RGS6: variants seen among roughly 807,000 people sequenced by gnomAD.
RGS6 encodes regulator of G-protein signaling 6.
Under a neutral mutation model 78.5 loss-of-function variants are expected in RGS6, and 30 were observed. The observed-to-expected ratio is 0.38, with a 90% CI of 0.29 to 0.52. The LOEUF (loss-of-function observed/expected upper bound fraction) is 0.52, where lower values mean the gene tolerates loss of function less well. Among genes scored for constraint, RGS6 ranks in the 20% least tolerant of loss-of-function variants. The pLI is 0.85. For synonymous variants in RGS6, 206 were observed against 206.0 expected (o/e 1.00, Z 0.00); for missense variants, 495 against 609.7 (o/e 0.81, Z 1.98).
chr14:72,125,663 G>A, intron 2 of RGS6, among the ~76,000 whole-genome samples: 1 of 152,084 alleles, frequency 6.6e-6, no homozygotes, highest in Non-Finnish European at 1.5e-5. Context: ...TGGAGGTGGG[G>A]GAAAGGTGAT....
intron 2 of RGS6, among the ~76,000 whole-genome samples, chr14:72,222,002 ACTC>A (rs1405500846): frequency 6.6e-6 from 1 of 151,894 alleles, no homozygotes; most frequent in African/African-American, 2.4e-5. Context: ...AAAATTTACT[ACTC>A]TTATTCCACT....
chr14:72,596,663 A>T, the RGS6 span, among the ~76,000 whole-genome samples: 5 of 152,358 alleles, frequency 3.3e-5, 1 homozygote, highest in South Asian at 1.0e-3. Flanking sequence ...TAATTCTTAG[A>T]GGGTTTCAGG....
chr14:72,562,889 G>C lies in RGS6; in HGVS notation c.*422G>C. ...AATTCAAGAGGCATGAGTGGACCGA[G>C]AGCACATCCAGCATTTGCATCACCT... On this transcript the variant is annotated 3_prime_UTR_variant, in exon 18 of 18. Coordinates refer to ENST00000553525, the MANE Select transcript of RGS6 (RefSeq NM_001204424.2). 1.3e-6 allele frequency: 1 copy of C among 791,016 alleles called. No individual in the cohort carries two copies. The highest frequency in any genetic ancestry group is 2.1e-6 in the Non-Finnish European group (1 of 474,722). The allele number at this position is 791,016 out of a possible 1,614,324, so 49.0% of individuals were successfully genotyped here.
At chr14:72,205,763 A>G (rs979416505) in intron 2 of RGS6, among the ~76,000 whole-genome samples, 2 of 152,246 alleles carry the variant, frequency 1.3e-5, no homozygotes, top group African/African-American at 4.8e-5. Flanking sequence ...GAAAAAAACA[A>G]AAATTATTAC....
At chr14:71,948,740 CTTTTTTTTTT>C (rs71305831) in intron 1 of RGS6, among the ~76,000 whole-genome samples, 6 of 65,170 alleles carry the variant, frequency 9.2e-5, no homozygotes, top group South Asian at 1.8e-3. Context: ...CTCTCTCTCT[CTTTTTTTTTT>C]TTTTTTTTTT....
intron 2 of RGS6, among the ~76,000 whole-genome samples, chr14:72,031,591 G>A (rs1348935090): frequency 6.6e-6 from 1 of 152,196 alleles, no homozygotes; most frequent in Non-Finnish European, 1.5e-5. Flanking sequence ...ACTCCATGCT[G>A]ACACTGATGG....
At chr14:72,485,545 C>T (rs796492694) in intron 12 of RGS6, among the ~76,000 whole-genome samples, 8 of 152,336 alleles carry the variant, frequency 5.3e-5, no homozygotes, top group African/African-American at 1.9e-4. Flanking sequence ...AGCACATGTT[C>T]TGAAAGAGAC....
At chr14:72,303,811 G>A (rs2066636383) in intron 2 of RGS6, among the ~76,000 whole-genome samples, 1 of 152,108 alleles carries the variant, frequency 6.6e-6, no homozygotes, top group Admixed American at 6.5e-5. Flanking sequence ...CTAAAAAGTA[G>A]CATACTCTCC....
At chr14:72,105,247 T>C (rs2095610094) in intron 2 of RGS6, among the ~76,000 whole-genome samples, 1 of 152,240 alleles carries the variant, frequency 6.6e-6, no homozygotes, top group African/African-American at 2.4e-5. Flanking sequence ...TGGTTTTGCC[T>C]CTAATAAATC....
chr14:72,130,841 G>A (rs1375202128), intron 2 of RGS6, among the ~76,000 whole-genome samples: 2 of 152,218 alleles, frequency 1.3e-5, no homozygotes, highest in Non-Finnish European at 2.9e-5. Context: ...ATACATAAAC[G>A]GATGAATGAG....
At chr14:72,550,257 T>C (rs1344118896) in intron 17 of RGS6, among the ~76,000 whole-genome samples, 6 of 152,230 alleles carry the variant, frequency 3.9e-5, no homozygotes, top group Non-Finnish European at 8.8e-5. Flanking sequence ...TGATTGCTAC[T>C]ATGTTCTCTC....
At chr14:72,534,831 G>A (rs925461224) in intron 15 of RGS6, among the ~76,000 whole-genome samples, 3 of 152,176 alleles carry the variant, frequency 2.0e-5, no homozygotes, top group Admixed American at 2.0e-4. Context: ...CTGCCTCTCA[G>A]ATGAGCACTC....
chr14:72,107,584 G>C (rs1222572127), intron 2 of RGS6, among the ~76,000 whole-genome samples: 1 of 151,872 alleles, frequency 6.6e-6, no homozygotes, highest in Non-Finnish European at 1.5e-5. Context: ...CTTTTCAATG[G>C]GCAAAACTGG....
At chr14:72,160,697 G>A (rs1040365958) in intron 2 of RGS6, among the ~76,000 whole-genome samples, 17 of 152,158 alleles carry the variant, frequency 1.1e-4, no homozygotes, top group African/African-American at 3.4e-4. Flanking sequence ...GAGATACAAG[G>A]GATGCACATG....
rs1209373344 is a variant in RGS6, at chr14:72,465,753, C to T, written c.395-5C>T. On this transcript the variant is annotated splice_polypyrimidine_tract_variant and splice_region_variant and intron_variant, in intron 6 of 17. Coordinates refer to ENST00000553525, the MANE Select transcript of RGS6 (RefSeq NM_001204424.2). ...TACATGTTGTCATTTCCTTTCTTCCCTCAGCCATCTATCTCTGTAAGAGGA... is the reference window on the plus strand; with the variant it reads ...TACATGTTGTCATTTCCTTTCTTCCTTCAGCCATCTATCTCTGTAAGAGGA... The T allele has an allele frequency of 1.9e-6, 3 of 1,611,512 alleles. No individual in the cohort carries two copies. Among genetic ancestry groups the T allele is most frequent in the African/African-American group, 1.3e-5 (1 of 74,882 alleles).
At chr14:72,457,674 A>G (rs952511565) in intron 4 of RGS6, among the ~76,000 whole-genome samples, 2 of 152,190 alleles carry the variant, frequency 1.3e-5, no homozygotes, top group African/African-American at 4.8e-5. Context: ...AAGTATTTCT[A>G]TCAGGTTAGC....
the RGS6 span, among the ~76,000 whole-genome samples, chr14:72,602,524 G>A: frequency 1.3e-5 from 2 of 152,176 alleles, no homozygotes; most frequent in African/African-American, 4.8e-5. Context: ...TCTCTCAAGG[G>A]TTCTCAGGCC....
rs560281416 is a variant in RGS6 at position 72,249,362 on chromosome 14, T to G, written c.85-102733T>G. Among the ~76,000 whole-genome samples, 3 of 152,326 alleles carry G rather than the reference T, an allele frequency of 2.0e-5. No homozygotes were observed. In the South Asian group the frequency reaches 6.2e-4, roughly 32 times the overall value. On this transcript the variant is annotated intron_variant, in intron 2 of 17. Transcript: ENST00000553525. The stretch of plus-strand genomic sequence containing the variant: ...AGTGATTTAGACATTTTCCTCTTCC[T>G]GGTGCAGAGAGGGAGACATTCCTAC...
chr14:71,923,831 G>C, the RGS6 span, among the ~76,000 whole-genome samples: 5 of 152,126 alleles, frequency 3.3e-5, no homozygotes, highest in East Asian at 1.9e-4. Flanking sequence ...ACTTTTGTAG[G>C]GGGGTGGGGC....
Sources: gnomAD v4.1 joint callset for allele counts (sites outside exome capture counted in the v4.1 genomes callset) on GRCh38, gnomAD v4.1.1 for gene constraint, MANE v1.5 for transcripts, NCBI Gene and HGNC (gene_info 2026-07-23, HGNC 2026-07-21) for gene names.